The following LCLAT1 variants were observed in gnomAD, a reference collection of about 807,000 sequenced individuals.
LCLAT1 encodes the protein lysocardiolipin acyltransferase 1.
In LCLAT1, 11 loss-of-function variants were observed where a neutral mutation model predicts 30.7. That is an observed-to-expected ratio of 0.36 (90% CI 0.23 to 0.59). The LOEUF (loss-of-function observed/expected upper bound fraction) is 0.59. Among genes scored for constraint, LCLAT1 ranks in the 20% least tolerant of loss-of-function variants. The pLI, the probability that LCLAT1 is intolerant of heterozygous loss-of-function variation, is 0.77. For missense variants in LCLAT1, 402 were observed against 458.6 expected, an observed-to-expected ratio of 0.88 and a Z score of 1.13; for synonymous variants, 155 against 151.3, an observed-to-expected ratio of 1.02 and a Z score of -0.18.
intron 1 of LCLAT1, among the ~76,000 whole-genome samples, chr2:30,474,170 G>A (rs989709018): frequency 6.6e-6 from 1 of 152,136 alleles, no homozygotes; most frequent in Non-Finnish European, 1.5e-5. Flanking sequence ...TGTTGAAATG[G>A]ACCCAAGTGG....
chr2:30,572,476 G>A (rs2148455810), intron 5 of LCLAT1, among the ~76,000 whole-genome samples: 1 of 152,260 alleles, frequency 6.6e-6, no homozygotes, highest in East Asian at 1.9e-4. Context: ...TAGACTCATA[G>A]CTACTTCTTT....
At chr2:30,447,853 C>A (rs1487123937) in intron 1 of LCLAT1, among the ~76,000 whole-genome samples, 1 of 152,194 alleles carries the variant, frequency 6.6e-6, no homozygotes, top group South Asian at 2.1e-4. Context: ...CGACGAGAGC[C>A]GTGGAGAGCA....
At chr2:30,469,528 A>G (rs1230541498) in intron 1 of LCLAT1, among the ~76,000 whole-genome samples, 2 of 145,892 alleles carry the variant, frequency 1.4e-5, no homozygotes, top group Non-Finnish European at 3.0e-5. Flanking sequence ...CCATAGATGT[A>G]TGGTCATAAT....
At position 30,642,272 on chromosome 2, in the gene LCLAT1, A is replaced by G. The variant is rs1669353412; in HGVS notation, c.*1653A>G. On this transcript the variant is annotated 3_prime_UTR_variant, in exon 6 of 6. Coordinates refer to ENST00000379509, the MANE Select transcript of LCLAT1 (RefSeq NM_001002257.3). Reference sequence around the variant, plus strand: ...TGCCTCTTCTGAAACACACCAACCCATATTCCTCTGCTCCCCCAAAGCTGT... The same window carrying G: ...TGCCTCTTCTGAAACACACCAACCCGTATTCCTCTGCTCCCCCAAAGCTGT... The G allele has an allele frequency of 6.6e-6, 1 of 152,044 alleles. No individual in the cohort carries two copies. Among genetic ancestry groups the G allele is most frequent in the African/African-American group, 2.4e-5 (1 of 41,414 alleles). 9.4% of individuals were successfully genotyped at this position (152,044 alleles called of 1,614,324 possible). A position where few individuals can be genotyped will look rare whatever the true frequency, so the allele number is the denominator to read the frequency against.
intron 1 of LCLAT1, among the ~76,000 whole-genome samples, chr2:30,475,003 T>G (rs1682978705): frequency 6.6e-6 from 1 of 151,702 alleles, no homozygotes; most frequent in Admixed American, 6.6e-5. Context: ...CTTGCTAGTC[T>G]TATTCTGTGT....
At chr2:30,547,785 C>T (rs529419546) in intron 3 of LCLAT1, among the ~76,000 whole-genome samples, 42 of 152,104 alleles carry the variant, frequency 2.8e-4, no homozygotes, top group African/African-American at 1.0e-3. Context: ...ACGTGAGAAG[C>T]GTAAACCCAA....
chr2:30,480,736 A>T (rs1175186617), intron 1 of LCLAT1, among the ~76,000 whole-genome samples: 1 of 152,170 alleles, frequency 6.6e-6, no homozygotes, highest in Non-Finnish European at 1.5e-5. Context: ...CCTGGGCAAT[A>T]GAGTGAGACT....
chr2:30,564,537 A>G (rs1412725351), intron 4 of LCLAT1, among the ~76,000 whole-genome samples: 3 of 152,186 alleles, frequency 2.0e-5, no homozygotes, highest in Non-Finnish European at 4.4e-5. Flanking sequence ...AGTTGCATAT[A>G]TATTTTAAAT....
At chr2:30,512,597 A>G (rs1684993325) in intron 1 of LCLAT1, among the ~76,000 whole-genome samples, 1 of 152,228 alleles carries the variant, frequency 6.6e-6, no homozygotes, top group Non-Finnish European at 1.5e-5. Flanking sequence ...ACCTATTAAT[A>G]CACCTAGAAA....
At chr2:30,584,483 C>T (rs1666342805) in intron 5 of LCLAT1, among the ~76,000 whole-genome samples, 1 of 152,174 alleles carries the variant, frequency 6.6e-6, no homozygotes. Context: ...GTACAGATGT[C>T]ACAGTCTTAA....
chr2:30,555,805 T>G (rs951918139), intron 3 of LCLAT1, among the ~76,000 whole-genome samples: 7 of 151,226 alleles, frequency 4.6e-5, no homozygotes, highest in African/African-American at 1.5e-4. Flanking sequence ...ACTACTACAA[T>G]AGGGGTCAAC....
intron 5 of LCLAT1, among the ~76,000 whole-genome samples, chr2:30,636,749 C>A (rs1418058363): frequency 6.6e-6 from 1 of 152,192 alleles, no homozygotes; most frequent in African/African-American, 2.4e-5. Context: ...ATTCTTCTCA[C>A]CATTTTGATA....
intron 3 of LCLAT1, among the ~76,000 whole-genome samples, chr2:30,542,587 C>A (rs1324125457): frequency 6.6e-6 from 1 of 151,876 alleles, no homozygotes; most frequent in Non-Finnish European, 1.5e-5. Flanking sequence ...GAGTATTTTT[C>A]CTCTCCATTA....
chr2:30,627,934 T>C (rs989261990), intron 5 of LCLAT1, among the ~76,000 whole-genome samples: 2 of 152,166 alleles, frequency 1.3e-5, no homozygotes, highest in African/African-American at 4.8e-5. Flanking sequence ...TTCAAAACTT[T>C]AAGTAAATGT....
rs369112315 is a variant in LCLAT1, at chr2:30,527,127, C to T, written c.165+1372C>T. On this transcript the variant is annotated intron_variant, in intron 2 of 5. Coordinates refer to ENST00000379509, the MANE Select transcript of LCLAT1 (RefSeq NM_001002257.3). ...TCATCACAAGTAGATACTTCTAAAA[C>T]GTCATCTACAAACTGTATGTTAAGT... 2.3e-4 allele frequency among the ~76,000 whole-genome samples: 35 copies of T among 152,236 alleles called. No individual in the cohort carries two copies. In the East Asian group the frequency reaches 6.2e-3, roughly 27 times the overall value.
intron 5 of LCLAT1, among the ~76,000 whole-genome samples, chr2:30,598,170 A>AG (rs1667012404): frequency 6.6e-6 from 1 of 152,130 alleles, no homozygotes; most frequent in Non-Finnish European, 1.5e-5. Flanking sequence ...TGAGTTAGGG[A>AG]GGGGTCCCTC....
intron 1 of LCLAT1, among the ~76,000 whole-genome samples, chr2:30,462,418 G>C (rs935210729): frequency 9.9e-5 from 15 of 152,220 alleles, no homozygotes; most frequent in Admixed American, 9.2e-4. Flanking sequence ...AAGGGGCACA[G>C]CTTCACTAAG....
rs115475617 is a variant in LCLAT1 at position 30,616,775 on chromosome 2, G to A, written c.629-23342G>A. 4.8e-3 allele frequency among the ~76,000 whole-genome samples: 728 copies of A among 151,956 alleles called. 6 individuals are homozygous for A. Among genetic ancestry groups the A allele is most frequent in the Non-Finnish European group, 6.4e-3 (434 of 67,972 alleles). On this transcript the variant is annotated intron_variant, in intron 5 of 5. Transcript: ENST00000379509. Reference sequence around the variant, plus strand: ...GCAAAATAACAATGAAAAGCTTGTCGGATATGTTAATGCTTATTTGAATGA... The same window carrying A: ...GCAAAATAACAATGAAAAGCTTGTCAGATATGTTAATGCTTATTTGAATGA...
At chr2:30,537,138 T>C (rs1295700708) in intron 3 of LCLAT1, among the ~76,000 whole-genome samples, 1 of 152,056 alleles carries the variant, frequency 6.6e-6, no homozygotes, top group Non-Finnish European at 1.5e-5. Flanking sequence ...TCCCAGCACT[T>C]TGGGAGGCCA....
Sources: allele counts gnomAD v4.1 joint callset (sites outside exome capture counted in the v4.1 genomes callset), GRCh38; gene constraint gnomAD v4.1.1; transcripts MANE v1.5; gene names NCBI Gene and HGNC (gene_info 2026-07-23, HGNC 2026-07-21).